The following MOCOS variants were observed in gnomAD, a reference collection of about 807,000 sequenced individuals.
The protein encoded by MOCOS is molybdenum cofactor sulfurase, also known as human molybdenum cofactor sulfurase.
In MOCOS, 86 loss-of-function variants were observed where a neutral mutation model predicts 83.6. The ratio of observed to expected loss-of-function variants is 1.03; its 90% CI spans 0.86 to 1.23. The LOEUF (loss-of-function observed/expected upper bound fraction) is 1.23, where lower values mean the gene tolerates loss of function less well. Among genes scored for constraint, MOCOS ranks in the 50% most tolerant of loss-of-function variants. MOCOS has a pLI of 0.00. For missense variants in MOCOS, 1,120 were observed against 1,126.9 expected, an observed-to-expected ratio of 0.99 and a Z score of 0.09; for synonymous variants, 445 against 434.7, an observed-to-expected ratio of 1.02 and a Z score of -0.29.
At chr18:36,223,475 C>T (rs1367855378) in intron 9 of MOCOS, among the ~76,000 whole-genome samples, 2 of 152,106 alleles carry the variant, frequency 1.3e-5, no homozygotes, top group Non-Finnish European at 2.9e-5. Flanking sequence ...CAGTACCATA[C>T]TGCTTTGATT....
At position 36,199,536 on chromosome 18, in the gene MOCOS, A is replaced by G; in HGVS notation, c.300-147A>G. 3.2e-6 allele frequency: 4 copies of G among 1,257,110 alleles called. 1 individual carries two copies. The highest frequency in any genetic ancestry group is 4.5e-6 in the Non-Finnish European group (4 of 892,586). The allele number at this position is 1,257,110 out of a possible 1,614,324, so 77.9% of individuals were successfully genotyped here. A position where few individuals can be genotyped will look rare whatever the true frequency, so the allele number is the denominator to read the frequency against. On this transcript the variant is annotated intron_variant, in intron 3 of 14. Transcript: ENST00000261326. ...ACTGGAACTCGTTCCCACGGCTTCC[A>G]TTGCCCTCGCCCTAATTTCGCAGCT...
At chr18:36,203,021 A>G in intron 4 of MOCOS, 92 bp from the exon 5 acceptor site, 1 of 1,253,484 alleles carries the variant, frequency 8.0e-7, no homozygotes, top group Admixed American at 1.7e-5. Flanking sequence ...TCAACAGCTA[A>G]GCCTAAAATC....
intron 13 of MOCOS, among the ~76,000 whole-genome samples, chr18:36,263,481 G>T (rs1023362394): frequency 3.3e-5 from 5 of 152,238 alleles, no homozygotes; most frequent in African/African-American, 1.2e-4. Context: ...CTGACTGGAA[G>T]GATGTCCTTG....
At chr18:36,236,866 T>A (rs2144938500) in intron 9 of MOCOS, among the ~76,000 whole-genome samples, 2 of 150,090 alleles carry the variant, frequency 1.3e-5, no homozygotes, top group East Asian at 4.0e-4. Context: ...TAAGTTGGAT[T>A]CCTAGGTATT....
chr18:36,205,702 C>T (rs529226876), intron 6 of MOCOS, among the ~76,000 whole-genome samples: 2 of 152,252 alleles, frequency 1.3e-5, no homozygotes, highest in South Asian at 2.1e-4. Context: ...GTTTGGAAGA[C>T]GGTGCTGGTT....
At chr18:36,190,497 C>T (rs2091360785) in intron 1 of MOCOS, among the ~76,000 whole-genome samples, 1 of 152,138 alleles carries the variant, frequency 6.6e-6, no homozygotes, top group African/African-American at 2.4e-5. Flanking sequence ...AGCCTGTAAT[C>T]CTAGCACTTG....
chr18:36,254,507 G>T (rs943062723), intron 11 of MOCOS, among the ~76,000 whole-genome samples: 1 of 148,872 alleles, frequency 6.7e-6, no homozygotes, highest in African/African-American at 2.5e-5. Flanking sequence ...TGTATAGAGA[G>T]AGAGAGAGCG....
Position 36,228,180 on chromosome 18 carries a change from C to T in MOCOS, c.1960+7963C>T, listed in dbSNP as rs116915666. The stretch of plus-strand genomic sequence containing the variant: ...GTATTATTAAAAAGTAAAAAAATAA[C>T]AGTTGCTGATGAGGTTGTGGAGAAA... On this transcript the variant is annotated intron_variant, in intron 9 of 14. Coordinates refer to ENST00000261326, the MANE Select transcript of MOCOS (RefSeq NM_017947.4). 6.8e-3 allele frequency among the ~76,000 whole-genome samples: 1,036 copies of T among 152,190 alleles called. 10 individuals are homozygous for T. The highest frequency in any genetic ancestry group is 0.011 in the Non-Finnish European group (749 of 67,988).
intron 9 of MOCOS, among the ~76,000 whole-genome samples, chr18:36,235,123 A>G (rs957894085): frequency 6.4e-4 from 97 of 151,366 alleles, no homozygotes; most frequent in African/African-American, 2.3e-3. Context: ...CCCCAAAATC[A>G]ATTTTTTTAA....
rs73432632 is a variant in MOCOS at position 36,229,860 on chromosome 18, T to C, written c.1960+9643T>C. On this transcript the variant is annotated intron_variant, in intron 9 of 14. Transcript: ENST00000261326. ...CTCCATGATTTCTATCTGGTACTTT[T>C]AACATTTTCTATTTCCTTGTCGAAC... Among the ~76,000 whole-genome samples, 376 of 152,282 alleles carry C rather than the reference T, an allele frequency of 2.5e-3. 3 individuals carry two copies. The highest frequency in any genetic ancestry group is 8.6e-3 in the African/African-American group (358 of 41,572).
chr18:36,193,637 A>C lies in MOCOS; in HGVS notation c.143-1620A>C, dbSNP rs148772473. Among the ~76,000 whole-genome samples, 675 of 152,356 alleles carry C rather than the reference A, an allele frequency of 4.4e-3. 5 individuals are homozygous for C. The highest frequency in any genetic ancestry group is 0.016 in the African/African-American group (648 of 41,586). On this transcript the variant is annotated intron_variant, in intron 1 of 14. Coordinates refer to ENST00000261326, the MANE Select transcript of MOCOS (RefSeq NM_017947.4). ...AAACAGCTAAAAGTATAATATTCTT[A>C]GAGTAATATATAAGCATAAATCACT...
At chr18:36,261,089 A>G (rs987049982) in intron 13 of MOCOS, among the ~76,000 whole-genome samples, 1 of 152,134 alleles carries the variant, frequency 6.6e-6, no homozygotes, top group African/African-American at 2.4e-5. Context: ...TCAGTGCTCA[A>G]TAAGTAATTG....
intron 6 of MOCOS, among the ~76,000 whole-genome samples, chr18:36,210,862 A>AAAAAAAAAAAAAAAAAAAAAAAG (rs2091452913): frequency 9.0e-6 from 1 of 111,498 alleles, no homozygotes; most frequent in Non-Finnish European, 2.2e-5. Flanking sequence ...AAAAAAAAAA[A>AAAAAAAAAAAAAAAAAAAAAAAG]AAAAAAAAAA....
At chr18:36,243,173 G>A (rs1307122553) in intron 9 of MOCOS, among the ~76,000 whole-genome samples, 1 of 152,084 alleles carries the variant, frequency 6.6e-6, no homozygotes, top group Non-Finnish European at 1.5e-5. Context: ...GAGCTTTTTG[G>A]ATGAGTCTTT....
chr18:36,256,270 T>G (rs1161005899), intron 11 of MOCOS, among the ~76,000 whole-genome samples: 2 of 152,206 alleles, frequency 1.3e-5, no homozygotes, highest in East Asian at 1.9e-4. Flanking sequence ...GCAAACAGCT[T>G]TTCCCTGATT....
chr18:36,215,582 T>G lies in MOCOS; in HGVS notation c.1402T>G (p.Ser468Ala). The G allele has an allele frequency of 6.2e-7, 1 of 1,614,176 alleles. No homozygotes were observed. Among genetic ancestry groups the G allele is most frequent in the Non-Finnish European group, 8.5e-7 (1 of 1,180,034 alleles). ...DGQPTGSVRI[S>A]FGYMSTLDDV... ...GCAGCCCACAGGATCTGTGAGGATTTCATTTGGATACATGTCGACGCTGGA... is the reference window on the plus strand; with the variant it reads ...GCAGCCCACAGGATCTGTGAGGATTGCATTTGGATACATGTCGACGCTGGA... Residue 468 changes from serine (S) to alanine (A), a missense_variant, in exon 8 of 15, where the codon TCA becomes GCA. Coordinates refer to ENST00000261326, the MANE Select transcript of MOCOS (RefSeq NM_017947.4).
At chr18:36,233,071 G>T (rs529443268) in intron 9 of MOCOS, among the ~76,000 whole-genome samples, 1 of 151,954 alleles carries the variant, frequency 6.6e-6, no homozygotes, top group Non-Finnish European at 1.5e-5. Context: ...TGGTGTTTAG[G>T]TACATGGGTA....
At position 36,215,808 on chromosome 18, in the gene MOCOS, A is replaced by G; in HGVS notation, c.1628A>G (p.Asn543Ser). 1.9e-6 allele frequency: 3 copies of G among 1,614,196 alleles called. No homozygotes were observed. The highest frequency in any genetic ancestry group is 2.5e-6 in the Non-Finnish European group (3 of 1,180,028). Reference protein sequence around the residue: ...EDALTGSRVWNNSSTVNAVPV... With the variant: ...EDALTGSRVWSNSSTVNAVPV... ...GCCCTCACAGGCTCCAGGGTTTGGAACAACTCGTCTACTGTGAATGCTGTG... is the reference window on the plus strand; with the variant it reads ...GCCCTCACAGGCTCCAGGGTTTGGAGCAACTCGTCTACTGTGAATGCTGTG... Residue 543 changes from asparagine (N) to serine (S), a missense_variant, in exon 8 of 15, where the codon AAC (asparagine) becomes AGC (serine). Transcript: ENST00000261326.
chr18:36,240,534 T>G (rs2091577562), intron 9 of MOCOS, among the ~76,000 whole-genome samples: 2 of 150,764 alleles, frequency 1.3e-5, no homozygotes, highest in African/African-American at 4.9e-5. Flanking sequence ...ACTATTCTCT[T>G]CAAAGCTGTC....
Sources: gnomAD v4.1 joint callset for allele counts (sites outside exome capture counted in the v4.1 genomes callset) on GRCh38, gnomAD v4.1.1 for gene constraint, MANE v1.5 for transcripts, NCBI Gene and HGNC (gene_info 2026-07-23, HGNC 2026-07-21) for gene names.